DCX: variants seen among roughly 807,000 people sequenced by gnomAD.
The protein encoded by DCX is doublecortin, also known as neuronal migration protein doublecortin.
Under a neutral mutation model 20.9 loss-of-function variants are expected in DCX, and 4 were observed. The observed-to-expected ratio is 0.19, with a 90% CI of 0.09 to 0.44. The LOEUF is 0.44. DCX is among the 20% of genes least tolerant of loss of function. The pLI is 0.99. For missense variants in DCX, 133 were observed against 296.9 expected (o/e 0.45, Z 4.06); for synonymous variants, 103 against 111.4 (o/e 0.92, Z 0.47).
chrX:111,408,632 GAGAAAGAAAGAAAGAAAGAA>G (rs61699743), intron 2 of DCX, among the ~76,000 whole-genome samples: 272 of 77,995 alleles, frequency 3.5e-3, no homozygotes, highest in African/African-American at 7.0e-3. Context: ...AGAAAGAAAA[GAGAAAGAAAGAAAGAAAGAA>G]AGAAAGAAAG....
chrX:111,356,794 T>A (rs1408911464), intron 3 of DCX, among the ~76,000 whole-genome samples: 1 of 112,052 alleles, frequency 8.9e-6, no homozygotes, highest in African/African-American at 3.2e-5. Flanking sequence ...AAGATTGATG[T>A]TGAATGACAG....
intron 3 of DCX, among the ~76,000 whole-genome samples, chrX:111,359,504 C>A (rs1418186640): frequency 9.0e-6 from 1 of 111,321 alleles, no homozygotes; most frequent in Non-Finnish European, 1.9e-5. Context: ...GACCCAAAAC[C>A]GAAGCCATAA....
chrX:111,374,519 C>T (rs1343192275), intron 3 of DCX, among the ~76,000 whole-genome samples: 1 of 111,780 alleles, frequency 8.9e-6, no homozygotes, highest in Non-Finnish European at 1.9e-5. Flanking sequence ...ATCCATTCCT[C>T]ACTGTCTCTT....
At chrX:111,377,928 C>A (rs768624177) in intron 3 of DCX, among the ~76,000 whole-genome samples, 1 of 110,997 alleles carries the variant, frequency 9.0e-6, no homozygotes, top group Non-Finnish European at 1.9e-5. Flanking sequence ...TCTTGAACAC[C>A]TCATAGAATC....
At chrX:111,342,726 A>G (rs752395295) in intron 3 of DCX, among the ~76,000 whole-genome samples, 85 of 110,551 alleles carry the variant, frequency 7.7e-4, no homozygotes, top group Non-Finnish European at 3.6e-4. Flanking sequence ...CTCTCAGACC[A>G]CAGTGCAATC....
intron 3 of DCX, among the ~76,000 whole-genome samples, chrX:111,342,814 C>A (rs1922406502): frequency 9.0e-6 from 1 of 111,077 alleles, no homozygotes; most frequent in African/African-American, 3.3e-5. Flanking sequence ...TCCTGAATGA[C>A]TCCTGGTTAA....
chrX:111,297,862 C>G lies in DCX; in HGVS notation c.*3825G>C, dbSNP rs145764957. 661 of 111,267 alleles carry G rather than the reference C, an allele frequency of 5.9e-3. 4 individuals carry two copies. The highest frequency in any genetic ancestry group is 0.019 in the Middle Eastern group (4 of 215). 9.2% of individuals were successfully genotyped at this position (111,267 alleles called of 1,213,427 possible). On this transcript the variant is annotated 3_prime_UTR_variant, in exon 7 of 7. Transcript: ENST00000636035. ...CACAGGAGCCAATGTTTAACATCAG[C>G]CAGGGTACATTTTTGTCACAAAGCC...
chrX:111,310,928 T>C (rs1486442825), intron 6 of DCX, among the ~76,000 whole-genome samples: 1 of 112,195 alleles, frequency 8.9e-6, no homozygotes, highest in African/African-American at 3.2e-5. Flanking sequence ...ACATGTCAGT[T>C]GAAAAACTGA....
chrX:111,391,158 T>C (rs1025157597), intron 3 of DCX, among the ~76,000 whole-genome samples: 5 of 111,155 alleles, frequency 4.5e-5, no homozygotes, highest in Non-Finnish European at 9.4e-5. Context: ...GATTGAATCA[T>C]GGGGACAGAT....
intron 5 of DCX, among the ~76,000 whole-genome samples, chrX:111,320,448 C>T (rs749572052): frequency 9.0e-6 from 1 of 111,699 alleles, no homozygotes; most frequent in African/African-American, 3.3e-5. Flanking sequence ...GAAATGGCAC[C>T]ACTGTTTGAT....
intron 3 of DCX, among the ~76,000 whole-genome samples, chrX:111,390,798 A>C (rs1252432848): frequency 9.1e-6 from 1 of 110,459 alleles, no homozygotes; most frequent in East Asian, 2.9e-4. Context: ...CAGGAGTTTG[A>C]GACCAGCCTG....
rs777477374 is a variant in DCX, at chrX:111,362,719, G to GTC, written c.706-29568_706-29567dup. Among the ~76,000 whole-genome samples the GTC allele has an allele frequency of 3.6e-3, 404 of 111,499 alleles. 3 individuals carry two copies. Among genetic ancestry groups the GTC allele is most frequent in the African/African-American group, 0.012 (380 of 30,698 alleles). On this transcript the variant is annotated intron_variant, in intron 3 of 6. Transcript: ENST00000636035. ...GGACTGTAGAGTCTCAGGGTGAGAT[G>GTC]TCTCTCCTGTGAAAGTAGAGAGATG...
In DCX at chrX:111,392,792, A is replaced by G. The variant is rs574244708; in HGVS notation, c.705+8198T>C. On this transcript the variant is annotated intron_variant, in intron 3 of 6. Transcript: ENST00000636035. ...TATGTGATATGTGAATTATATCTCA[A>G]GATGTTACAAAAGAAAATAACCCCA... Among the ~76,000 whole-genome samples, 4 of 111,880 alleles carry G rather than the reference A, an allele frequency of 3.6e-5. No homozygotes were observed. The South Asian group carries it at 1.5e-3, about 43-fold the overall frequency.
intron 1 of DCX, chrX:111,410,692 G>T: frequency 4.5e-6 from 5 of 1,105,690 alleles, no homozygotes; most frequent in Non-Finnish European, 6.2e-6. Context: ...AGGCACTCTT[G>T]GCACTGTTCC....
At chrX:111,344,433 G>A (rs1236827178) in intron 3 of DCX, among the ~76,000 whole-genome samples, 3 of 111,717 alleles carry the variant, frequency 2.7e-5, no homozygotes, top group Non-Finnish European at 5.6e-5. Flanking sequence ...CAAGTAGGAA[G>A]AGAGGAAGTA....
Position 111,301,725 on chromosome X carries a change from A to G in DCX, c.1063T>C (p.Ser355Pro), listed in dbSNP as rs2095034550. Reference protein sequence around the residue: ...KHKVDLYLPLSLDDSDSLGDS... With the variant: ...KHKVDLYLPLPLDDSDSLGDS... ...CCAAGCGAGTCCGAGTCATCCAAGGACAGAGGCAGGTACAGGTCCTATAAG... is the reference window on the plus strand; with the variant it reads ...CCAAGCGAGTCCGAGTCATCCAAGGGCAGAGGCAGGTACAGGTCCTATAAG... The change falls in exon 7 of 7, where the codon TCC becomes CCC. Residue 355 changes from serine (S) to proline (P), a missense_variant. By Grantham distance (74) the Ser-to-Pro change is moderately conservative (BLOSUM62 -1). This residue lies in a region of DCX where 68 missense variants were observed against 84.3 expected (regional missense o/e 0.81). Transcript: ENST00000636035. 1.7e-6 allele frequency: 2 copies of G among 1,209,746 alleles called. No individual in the cohort carries two copies. Among genetic ancestry groups the G allele is most frequent in the Non-Finnish European group, 2.2e-6 (2 of 895,042 alleles).
intron 6 of DCX, 87 bp from the exon 7 acceptor site, chrX:111,301,830 C>T (rs1309582757): frequency 9.5e-6 from 8 of 844,295 alleles, no homozygotes; most frequent in Middle Eastern, 6.6e-4. Context: ...TTTATTAATA[C>T]TTTAATTTTT....
chrX:111,394,733 C>T (rs922064933), intron 3 of DCX, among the ~76,000 whole-genome samples: 2 of 111,676 alleles, frequency 1.8e-5, no homozygotes, highest in African/African-American at 3.3e-5. Context: ...TGCTAACCAC[C>T]CCCATTAGTA....
chrX:111,358,855 A>G (rs1040029281), intron 3 of DCX, among the ~76,000 whole-genome samples: 3 of 112,331 alleles, frequency 2.7e-5, no homozygotes, highest in South Asian at 7.3e-4. Flanking sequence ...CACAACAGGA[A>G]GCAAAATTAT....
Sources: allele counts gnomAD v4.1 joint callset (sites outside exome capture counted in the v4.1 genomes callset), GRCh38; gene constraint gnomAD v4.1.1; regional missense constraint gnomAD v4.1.1; transcripts MANE v1.5; gene names NCBI Gene and HGNC (gene_info 2026-07-23, HGNC 2026-07-21).